NKAIN2: variants seen among roughly 807,000 people sequenced by gnomAD.
NKAIN2 encodes sodium/potassium-transporting ATPase subunit beta-1-interacting protein 2.
NKAIN2 carries 14 observed loss-of-function variants against 32.6 expected under a neutral mutation model. The ratio of observed to expected loss-of-function variants is 0.43; its 90% CI spans 0.28 to 0.67. NKAIN2 has a LOEUF of 0.67. Ranked by LOEUF, NKAIN2 falls within the 30% of genes least tolerant of loss-of-function variation. The pLI is 0.17. For missense variants in NKAIN2, 198 were observed against 258.3 expected (o/e 0.77, Z 1.60); for synonymous variants, 80 against 87.2 (o/e 0.92, Z 0.46).
intron 3 of NKAIN2, among the ~76,000 whole-genome samples, chr6:124,540,983 A>C (rs902894054): frequency 7.9e-5 from 12 of 152,210 alleles, no homozygotes; most frequent in Middle Eastern, 3.2e-3. Flanking sequence ...TTATCAGGAC[A>C]TAAACTTGTA....
At chr6:124,807,200 T>C (rs1403143500) in intron 5 of NKAIN2, among the ~76,000 whole-genome samples, 1 of 151,702 alleles carries the variant, frequency 6.6e-6, no homozygotes, top group Non-Finnish European at 1.5e-5. Context: ...TTTTCAGCAC[T>C]ACACCACACC....
intron 1 of NKAIN2, among the ~76,000 whole-genome samples, chr6:124,059,175 C>T (rs1377276731): frequency 2.0e-5 from 3 of 152,024 alleles, no homozygotes; most frequent in Non-Finnish European, 4.4e-5. Context: ...GTAAGTCTTA[C>T]GTTTTATCTC....
intron 1 of NKAIN2, among the ~76,000 whole-genome samples, chr6:123,828,570 G>A (rs1233764782): frequency 1.3e-5 from 2 of 152,062 alleles, no homozygotes; most frequent in Non-Finnish European, 2.9e-5. Flanking sequence ...TCATTCCCCT[G>A]CTTAAAACTA....
chr6:124,415,277 A>C (rs796130549), intron 3 of NKAIN2, among the ~76,000 whole-genome samples: 18 of 152,010 alleles, frequency 1.2e-4, no homozygotes, highest in African/African-American at 4.1e-4. Flanking sequence ...TGGGGATCCC[A>C]CTCTCCCCTT....
chr6:123,998,216 C>G (rs1779713064), intron 1 of NKAIN2, among the ~76,000 whole-genome samples: 2 of 152,224 alleles, frequency 1.3e-5, no homozygotes, highest in East Asian at 3.9e-4. Flanking sequence ...ATATTTAATA[C>G]AGGATTTCTC....
At chr6:124,084,270 T>C (rs1784099671) in intron 1 of NKAIN2, among the ~76,000 whole-genome samples, 1 of 151,966 alleles carries the variant, frequency 6.6e-6, no homozygotes, top group South Asian at 2.1e-4. Context: ...TTTCGGTCAA[T>C]GATGGACTGC....
At chr6:124,179,642 C>T (rs745529091) in intron 1 of NKAIN2, among the ~76,000 whole-genome samples, 3 of 152,164 alleles carry the variant, frequency 2.0e-5, no homozygotes, top group Admixed American at 6.5e-5. Flanking sequence ...GCACTCAAGG[C>T]GCATCTGCTC....
At chr6:124,303,657 G>A (rs111347854) in intron 2 of NKAIN2, among the ~76,000 whole-genome samples, 3 of 152,236 alleles carry the variant, frequency 2.0e-5, no homozygotes, top group Non-Finnish European at 2.9e-5. Context: ...AGGTGGGTTA[G>A]CACCCAAGAT....
chr6:124,040,029 A>C (rs1017281412), intron 1 of NKAIN2, among the ~76,000 whole-genome samples: 6 of 152,020 alleles, frequency 3.9e-5, no homozygotes, highest in African/African-American at 1.4e-4. Flanking sequence ...ATCTGGATTC[A>C]GTAATCAATG....
chr6:123,871,572 T>G (rs1271890220), intron 1 of NKAIN2, among the ~76,000 whole-genome samples: 1 of 152,160 alleles, frequency 6.6e-6, no homozygotes, highest in Non-Finnish European at 1.5e-5. Context: ...GTTTTAATAG[T>G]GTACATATCC....
intron 1 of NKAIN2, among the ~76,000 whole-genome samples, chr6:124,127,197 G>A (rs1390319219): frequency 6.6e-6 from 1 of 152,138 alleles, no homozygotes; most frequent in Non-Finnish European, 1.5e-5. Context: ...GTGCATTCAT[G>A]GATGGAGAGA....
At chr6:123,975,354 A>G (rs1002644936) in intron 1 of NKAIN2, among the ~76,000 whole-genome samples, 1 of 152,210 alleles carries the variant, frequency 6.6e-6, no homozygotes, top group African/African-American at 2.4e-5. Context: ...GTGGATAAGA[A>G]ACTGCATAAT....
chr6:124,607,551 T>A (rs1300918130), intron 3 of NKAIN2, among the ~76,000 whole-genome samples: 1 of 152,172 alleles, frequency 6.6e-6, no homozygotes, highest in Non-Finnish European at 1.5e-5. Context: ...AAACTCAAAA[T>A]ATAGAGATAG....
chr6:124,500,292 T>C (rs567189987), intron 3 of NKAIN2, among the ~76,000 whole-genome samples: 1 of 152,280 alleles, frequency 6.6e-6, no homozygotes, highest in South Asian at 2.1e-4. Context: ...TGTGTCCACA[T>C]TGCACTAAGA....
chr6:124,151,879 T>A (rs557127811), intron 1 of NKAIN2, among the ~76,000 whole-genome samples: 1 of 151,670 alleles, frequency 6.6e-6, no homozygotes, highest in Admixed American at 6.6e-5. Context: ...AAAAATGTAT[T>A]TATATATGCT....
At chr6:124,644,342 G>T (rs1174555180) in intron 3 of NKAIN2, among the ~76,000 whole-genome samples, 1 of 150,674 alleles carries the variant, frequency 6.6e-6, no homozygotes, top group Non-Finnish European at 1.5e-5. Flanking sequence ...CCTTTTTCAT[G>T]TTTTTCCTAT....
chr6:123,831,695 G>A (rs1167894180), intron 1 of NKAIN2, among the ~76,000 whole-genome samples: 2 of 143,134 alleles, frequency 1.4e-5, no homozygotes, highest in Admixed American at 7.2e-5. Flanking sequence ...TTGCTCTGTC[G>A]CCCAGGCTGG....
At chr6:124,673,313 C>G (rs1773196261) in intron 4 of NKAIN2, among the ~76,000 whole-genome samples, 1 of 152,094 alleles carries the variant, frequency 6.6e-6, no homozygotes, top group Non-Finnish European at 1.5e-5. Context: ...AGGTTGATTT[C>G]ATATCTTGCC....
intron 3 of NKAIN2, among the ~76,000 whole-genome samples, chr6:124,498,924 GTTGTTTTGTT>G (rs377584336): frequency 6.6e-6 from 1 of 151,982 alleles, no homozygotes; most frequent in Non-Finnish European, 1.5e-5. Flanking sequence ...TTTTGTAGTT[GTTGTTTTGTT>G]TTGTTTTGTT....
Sources: gnomAD v4.1 joint callset for allele counts (sites outside exome capture counted in the v4.1 genomes callset) on GRCh38, gnomAD v4.1.1 for gene constraint, MANE v1.5 for transcripts, NCBI Gene and HGNC (gene_info 2026-07-23, HGNC 2026-07-21) for gene names.